The following CACNB2 variants were observed in gnomAD, a reference collection of about 807,000 sequenced individuals.
CACNB2 encodes the protein voltage-dependent L-type calcium channel subunit beta-2.
Under a neutral mutation model 73.3 loss-of-function variants are expected in CACNB2, and 42 were observed. The ratio of observed to expected loss-of-function variants is 0.57; its 90% CI spans 0.45 to 0.74. The LOEUF is 0.74. Ranked by LOEUF, CACNB2 falls within the 30% of genes least tolerant of loss-of-function variation. CACNB2 has a pLI of 0.00. For missense variants in CACNB2, 940 were observed against 853.0 expected (o/e 1.10, Z -1.27); for synonymous variants, 348 against 310.3 (o/e 1.12, Z -1.28).
chr10:18,417,328 A>G (rs1463988996), intron 3 of CACNB2, among the ~76,000 whole-genome samples: 2 of 144,964 alleles, frequency 1.4e-5, no homozygotes, highest in East Asian at 2.0e-4. Flanking sequence ...ACACTTCAAC[A>G]TTATTTAAAC....
intron 2 of CACNB2, 43 bp from the exon 3 acceptor site, chr10:18,401,881 T>G: frequency 6.2e-7 from 1 of 1,608,858 alleles, no homozygotes; most frequent in Non-Finnish European, 8.5e-7. Flanking sequence ...AATGCAAACA[T>G]CATAGACTGA....
chr10:18,471,963 A>AT (rs942634391), intron 3 of CACNB2, among the ~76,000 whole-genome samples: 2 of 152,168 alleles, frequency 1.3e-5, no homozygotes, highest in African/African-American at 4.8e-5. Flanking sequence ...GAAGACCTGC[A>AT]TGTAAAGTAA....
chr10:18,265,081 G>A (rs2037730239), intron 2 of CACNB2, among the ~76,000 whole-genome samples: 1 of 151,158 alleles, frequency 6.6e-6, no homozygotes, highest in Non-Finnish European at 1.5e-5. Flanking sequence ...TGGCTTTGCT[G>A]TGCATTTCCC....
chr10:18,415,915 A>G (rs893822251), intron 3 of CACNB2, among the ~76,000 whole-genome samples: 2 of 152,096 alleles, frequency 1.3e-5, no homozygotes, highest in African/African-American at 4.8e-5. Flanking sequence ...TCAGCCCCAG[A>G]CAACTACCAT....
At chr10:18,530,187 C>T (rs1274572560) in intron 10 of CACNB2, among the ~76,000 whole-genome samples, 2 of 152,168 alleles carry the variant, frequency 1.3e-5, no homozygotes, top group Admixed American at 6.5e-5. Flanking sequence ...TCGGTGGGCA[C>T]AGCCAAACCA....
intron 2 of CACNB2, among the ~76,000 whole-genome samples, chr10:18,241,833 G>A (rs1479926330): frequency 6.6e-6 from 1 of 151,822 alleles, no homozygotes; most frequent in African/African-American, 2.4e-5. Flanking sequence ...TGGAATATTT[G>A]TACAAATAGT....
chr10:18,266,167 T>C (rs74602278), intron 2 of CACNB2, among the ~76,000 whole-genome samples: 1 of 152,242 alleles, frequency 6.6e-6, no homozygotes, highest in African/African-American at 2.4e-5. Context: ...CACTATTTCA[T>C]TTGACATTAA....
intron 3 of CACNB2, among the ~76,000 whole-genome samples, chr10:18,493,410 C>T (rs2132961114): frequency 6.6e-6 from 1 of 152,258 alleles, no homozygotes; most frequent in Non-Finnish European, 1.5e-5. Flanking sequence ...TCGTGATCCG[C>T]CCACCTCTGC....
At position 18,397,708 on chromosome 10, in the gene CACNB2, G is replaced by A. The variant is rs1233945006; in HGVS notation, c.214-4216G>A. Among the ~76,000 whole-genome samples the A allele has an allele frequency of 2.3e-4, 24 of 106,282 alleles. 1 individual carries two copies. The highest frequency in any genetic ancestry group is 9.0e-4 in the African/African-American group (23 of 25,666). 69.7% of individuals were successfully genotyped at this position (106,282 alleles called of 152,430 possible). ...CCAGCCTGGGCAGCAGAGCAAAAGC[G>A]AGACTCCGTCTCAAAAAAAAAAAAA... On this transcript the variant is annotated intron_variant, in intron 2 of 13. Coordinates refer to ENST00000324631, the MANE Select transcript of CACNB2 (RefSeq NM_201596.3).
At chr10:18,208,363 C>T (rs1376215636) in intron 2 of CACNB2, among the ~76,000 whole-genome samples, 1 of 152,030 alleles carries the variant, frequency 6.6e-6, no homozygotes, top group African/African-American at 2.4e-5. Flanking sequence ...GTTGTCCCAG[C>T]TACACTTGGC....
chr10:18,450,646 G>A (rs1251238528), intron 3 of CACNB2, among the ~76,000 whole-genome samples: 1 of 138,010 alleles, frequency 7.2e-6, no homozygotes, highest in African/African-American at 2.8e-5. Flanking sequence ...TTTTTTTTGA[G>A]GAGTCTAACT....
At chr10:18,471,164 G>A (rs1415686821) in intron 3 of CACNB2, among the ~76,000 whole-genome samples, 1 of 152,064 alleles carries the variant, frequency 6.6e-6, no homozygotes, top group Non-Finnish European at 1.5e-5. Context: ...AAATTAGCTG[G>A]GCATGGTGGC....
chr10:18,179,234 G>A (rs1343001804), intron 2 of CACNB2, among the ~76,000 whole-genome samples: 1 of 152,086 alleles, frequency 6.6e-6, no homozygotes, highest in Non-Finnish European at 1.5e-5. Flanking sequence ...AGGAAGTCTG[G>A]ACAGAAAAAG....
chr10:18,336,001 A>G (rs930945911), intron 2 of CACNB2, among the ~76,000 whole-genome samples: 1 of 152,202 alleles, frequency 6.6e-6, no homozygotes, highest in Admixed American at 6.5e-5. Flanking sequence ...TTTTGGTGGC[A>G]TTATAAATTA....
intron 2 of CACNB2, among the ~76,000 whole-genome samples, chr10:18,172,713 C>T (rs2033328202): frequency 6.6e-6 from 1 of 152,052 alleles, no homozygotes; most frequent in Non-Finnish European, 1.5e-5. Flanking sequence ...ACTTTATTTT[C>T]AGTGGATGGT....
At chr10:18,356,054 A>C (rs1455233766) in intron 2 of CACNB2, among the ~76,000 whole-genome samples, 1 of 152,062 alleles carries the variant, frequency 6.6e-6, no homozygotes, top group African/African-American at 2.4e-5. Flanking sequence ...AGACTCTGGC[A>C]CCCCAAGGCT....
intron 2 of CACNB2, among the ~76,000 whole-genome samples, chr10:18,255,605 G>A (rs1191192173): frequency 2.0e-5 from 3 of 152,180 alleles, no homozygotes; most frequent in African/African-American, 7.2e-5. Flanking sequence ...TTGATGAGCA[G>A]CACTCAGTTG....
chr10:18,374,139 G>A (rs987700444), intron 2 of CACNB2, among the ~76,000 whole-genome samples: 5 of 152,110 alleles, frequency 3.3e-5, no homozygotes, highest in Non-Finnish European at 2.9e-5. Flanking sequence ...TGATTGAGGT[G>A]GAAAAGCCTG....
intron 2 of CACNB2, among the ~76,000 whole-genome samples, chr10:18,319,087 C>T (rs1434586132): frequency 6.6e-6 from 1 of 152,116 alleles, no homozygotes; most frequent in East Asian, 1.9e-4. Context: ...CCCAGCAATC[C>T]CATTACTGGG....
Sources: gnomAD v4.1 joint callset for allele counts (sites outside exome capture counted in the v4.1 genomes callset) on GRCh38, gnomAD v4.1.1 for gene constraint, MANE v1.5 for transcripts, NCBI Gene and HGNC (gene_info 2026-07-23, HGNC 2026-07-21) for gene names.